GRB10: variants seen among roughly 807,000 people sequenced by gnomAD.
The protein encoded by GRB10 is growth factor receptor-bound protein 10.
Under a neutral mutation model 80.9 loss-of-function variants are expected in GRB10, and 20 were observed. The observed-to-expected ratio is 0.25, with a 90% CI of 0.17 to 0.36. The LOEUF (loss-of-function observed/expected upper bound fraction) is 0.36. GRB10 is among the 10% of genes least tolerant of loss of function. The pLI is 1.00. For missense variants in GRB10, 548 were observed against 747.7 expected (o/e 0.73, Z 3.12); for synonymous variants, 291 against 291.5 (o/e 1.00, Z 0.02).
In GRB10 at chr7:50,688,767, C is replaced by T. The variant is rs2062412144; in HGVS notation, c.140-14109G>A. On this transcript the variant is annotated intron_variant, in intron 5 of 18. Transcript: ENST00000401949. Reference sequence around the variant, plus strand: ...AGGTGCAGAGGCAGGCAGTGAGTGACAAGGGTGGGGGTCGGGTGGGTGAGG... The same window carrying T: ...AGGTGCAGAGGCAGGCAGTGAGTGATAAGGGTGGGGGTCGGGTGGGTGAGG... Among the ~76,000 whole-genome samples the T allele has an allele frequency of 6.5e-5, 8 of 123,838 alleles. No individual in the cohort carries two copies. In the Admixed American group the frequency reaches 7.5e-4, roughly 12 times the overall value. 81.2% of individuals were successfully genotyped at this position (123,838 alleles called of 152,430 possible).
intron 7 of GRB10, among the ~76,000 whole-genome samples, chr7:50,636,021 G>A (rs1049291142): frequency 8.3e-6 from 1 of 120,258 alleles, no homozygotes; most frequent in African/African-American, 3.2e-5. Context: ...CTCCCAGGCT[G>A]GAGTGCAGTG....
At chr7:50,595,601 T>TAACACACACACACA in intron 17 of GRB10, 71 bp from the exon 18 acceptor site, 4 of 556,344 alleles carry the variant, frequency 7.2e-6, no homozygotes, top group Non-Finnish European at 1.2e-5. Context: ...ACACACTCTC[T>TAACACACACACACA]TACACACACA....
At chr7:50,741,029 G>A (rs753126778) in intron 3 of GRB10, among the ~76,000 whole-genome samples, 5 of 152,066 alleles carry the variant, frequency 3.3e-5, no homozygotes, top group Admixed American at 6.6e-5. Flanking sequence ...AATTGATAAT[G>A]AATAAAAACA....
Position 50,593,078 on chromosome 7 carries a change from C to A in GRB10, c.1659G>T (p.Thr553=). 1 of 1,614,186 alleles carries A rather than the reference C, an allele frequency of 6.2e-7. No homozygotes were observed. Among genetic ancestry groups the A allele is most frequent in the Non-Finnish European group, 8.5e-7 (1 of 1,180,042 alleles). ...TGTTCCCGTCATCTAGGCTGAAGAA[C>A]GTCTGCCCGTCGTCCTCGCACTGGA... ...QILPCEDDGQ[T]FFSLDDGNTK... is the part of the protein sequence containing the mutation. Residue 553 remains threonine (T), a synonymous_variant, in exon 19 of 19, where the codon ACG becomes ACT. Coordinates refer to ENST00000401949, the MANE Select transcript of GRB10 (RefSeq NM_001350814.2).
At chr7:50,642,009 C>T (rs1466426940) in intron 7 of GRB10, among the ~76,000 whole-genome samples, 5 of 152,190 alleles carry the variant, frequency 3.3e-5, no homozygotes, top group East Asian at 1.9e-4. Flanking sequence ...AGGAGTTCCG[C>T]GGCAGCGACA....
chr7:50,771,600 G>T (rs1302099079), intron 2 of GRB10, among the ~76,000 whole-genome samples: 2 of 152,184 alleles, frequency 1.3e-5, no homozygotes, highest in Admixed American at 1.3e-4. Context: ...GTTAAAACAG[G>T]AGCCAAAACT....
At chr7:50,734,005 G>T (rs1054688051) in intron 3 of GRB10, among the ~76,000 whole-genome samples, 1 of 151,974 alleles carries the variant, frequency 6.6e-6, no homozygotes, top group Non-Finnish European at 1.5e-5. Flanking sequence ...TTTCAAACTT[G>T]CAAGTTCCTT....
At chr7:50,594,932 G>GATA (rs1216471501) in intron 18 of GRB10, among the ~76,000 whole-genome samples, 1 of 152,170 alleles carries the variant, frequency 6.6e-6, no homozygotes, top group African/African-American at 2.4e-5. Flanking sequence ...ACGCTTCTTG[G>GATA]ATAGCCCTGG....
chr7:50,727,900 G>A (rs1460327735), intron 4 of GRB10: 3 of 152,170 alleles, frequency 2.0e-5, no homozygotes, highest in Non-Finnish European at 4.4e-5. Flanking sequence ...GCTGAAAACA[G>A]AAGAAATGTG....
At chr7:50,718,734 T>C (rs890446832) in intron 4 of GRB10, among the ~76,000 whole-genome samples, 6 of 152,180 alleles carry the variant, frequency 3.9e-5, no homozygotes, top group African/African-American at 1.4e-4. Flanking sequence ...GTCCCGTGCA[T>C]ACTGAAATTG....
At chr7:50,651,154 C>A (rs1277954209) in intron 7 of GRB10, among the ~76,000 whole-genome samples, 1 of 152,138 alleles carries the variant, frequency 6.6e-6, no homozygotes, top group Admixed American at 6.5e-5. Flanking sequence ...GATTAATCAA[C>A]CTAAAAATAT....
At chr7:50,755,096 T>C (rs755842499) in intron 3 of GRB10, among the ~76,000 whole-genome samples, 2 of 152,204 alleles carry the variant, frequency 1.3e-5, no homozygotes, top group Non-Finnish European at 2.9e-5. Flanking sequence ...CAAACTTCTG[T>C]TGTGTAGCCA....
Position 50,612,761 on chromosome 7 carries a change from T to A in GRB10, c.1174A>T (p.Thr392Ser). ...EDEQTRTCWMTAFRLLKYGML... is the reference protein window; with the variant it reads ...EDEQTRTCWMSAFRLLKYGML... The stretch of plus-strand genomic sequence containing the variant: ...CATACCTTGAGGAGTCTGAACGCTG[T>A]CATCCAGCACGTCCTGGTTTGCTCG... The change falls in exon 13 of 19, where the codon ACA (threonine) becomes TCA (serine). Residue 392 changes from threonine to serine, a missense_variant. Physicochemically the swap from Thr to Ser is moderately conservative, Grantham distance 58. This residue lies in a region of GRB10 where 270 missense variants were observed against 433.6 expected (regional missense o/e 0.62). Coordinates refer to ENST00000401949, the MANE Select transcript of GRB10 (RefSeq NM_001350814.2). The A allele has an allele frequency of 6.2e-7, 1 of 1,613,356 alleles. No homozygotes were observed. Among genetic ancestry groups the A allele is most frequent in the Non-Finnish European group, 8.5e-7 (1 of 1,179,424 alleles).
intron 10 of GRB10, among the ~76,000 whole-genome samples, chr7:50,616,882 C>T (rs1024656899): frequency 1.2e-4 from 19 of 152,208 alleles, no homozygotes; most frequent in African/African-American, 1.7e-4. Context: ...CAAGAAACTA[C>T]GCTTTTCATC....
chr7:50,777,583 T>A (rs1391471955), intron 2 of GRB10, among the ~76,000 whole-genome samples: 1 of 151,848 alleles, frequency 6.6e-6, no homozygotes, highest in East Asian at 1.9e-4. Context: ...GAGGACTGTA[T>A]GAAAAAACTA....
intron 3 of GRB10, among the ~76,000 whole-genome samples, chr7:50,736,885 C>T (rs2329494): frequency 0.82 from 124,194 of 152,176 alleles, 50,978 homozygotes; most frequent in African/African-American, 0.9. Context: ...AAGCAAAAAG[C>T]AACTCAAAAT....
intron 13 of GRB10, 124 bp downstream of exon 13, chr7:50,612,616 TA>T: frequency 1.4e-6 from 1 of 722,576 alleles, no homozygotes; most frequent in Non-Finnish European, 2.5e-6. Context: ...ATTTGATAAA[TA>T]AAATATTGTG....
intron 7 of GRB10, among the ~76,000 whole-genome samples, chr7:50,665,890 G>A (rs1444745783): frequency 6.6e-6 from 1 of 152,194 alleles, no homozygotes; most frequent in African/African-American, 2.4e-5. Flanking sequence ...ACAGCTGGAG[G>A]ATCACAGGTT....
At chr7:50,785,034 C>A (rs1387978445), upstream of GRB10, among the ~76,000 whole-genome samples, 17 of 152,200 alleles carry the variant, frequency 1.1e-4, no homozygotes, top group Non-Finnish European at 2.2e-4. Flanking sequence ...CACAGCCATG[C>A]CTTTAGTCCC....
Sources: gnomAD v4.1 joint callset for allele counts (sites outside exome capture counted in the v4.1 genomes callset) on GRCh38, gnomAD v4.1.1 for gene constraint, gnomAD v4.1.1 regional missense constraint, MANE v1.5 for transcripts, NCBI Gene and HGNC (gene_info 2026-07-23, HGNC 2026-07-21) for gene names.